TULP4: variants seen among roughly 807,000 people sequenced by gnomAD.
TULP4 encodes tubby-related protein 4.
TULP4 carries 16 observed loss-of-function variants against 129.0 expected under a neutral mutation model. The ratio of observed to expected loss-of-function variants is 0.12; its 90% confidence interval spans 0.08 to 0.19. The LOEUF is 0.19. Among genes scored for constraint, TULP4 ranks in the 10% least tolerant of loss-of-function variants. TULP4 has a pLI of 1.00. For synonymous variants in TULP4, 998 were observed against 854.0 expected, an observed-to-expected ratio of 1.17 and a Z score of -2.94; for missense variants, 1,842 against 2,059.1, an observed-to-expected ratio of 0.89 and a Z score of 2.04.
intron 1 of TULP4, among the ~76,000 whole-genome samples, chr6:158,364,001 A>G (rs1780861393): frequency 6.6e-6 from 1 of 152,186 alleles, no homozygotes; most frequent in East Asian, 1.9e-4. Flanking sequence ...TAAATTAAAA[A>G]AACCCACAAT....
chr6:158,292,504 A>G (rs1242549504), intron 1 of TULP4, among the ~76,000 whole-genome samples: 1 of 152,132 alleles, frequency 6.6e-6, no homozygotes, highest in Admixed American at 6.6e-5. Context: ...GTTGTAATTT[A>G]CTCAAGATCT....
At position 158,331,716 on chromosome 6, in the gene TULP4, CACACACACACACATACGTATAT is replaced by C. The variant is rs1349244976; in HGVS notation, c.252+17450_252+17471del. On this transcript the variant is annotated intron_variant, in intron 1 of 13. Coordinates refer to ENST00000367097, the MANE Select transcript of TULP4 (RefSeq NM_020245.5). The stretch of plus-strand genomic sequence containing the variant: ...ACACACACACACACACACACACACA[CACACACACACACATACGTATAT>C]ATATACGTGTATATACACGTGTATA... 1.2e-3 allele frequency among the ~76,000 whole-genome samples: 61 copies of C among 50,160 alleles called. 5 individuals are homozygous for C. Among genetic ancestry groups the C allele is most frequent in the Non-Finnish European group, 1.7e-3 (44 of 26,650 alleles). 32.9% of individuals were successfully genotyped at this position (50,160 alleles called of 152,430 possible).
upstream of TULP4, among the ~76,000 whole-genome samples, chr6:158,278,100 T>C (rs193025076): frequency 3.3e-5 from 5 of 152,336 alleles, no homozygotes; most frequent in Non-Finnish European, 5.9e-5. Flanking sequence ...TTCATCATCA[T>C]AGGCACGGAA....
chr6:158,312,668 A>C lies in TULP4; in HGVS notation c.-1349A>C, dbSNP rs773797273. On this transcript the variant is annotated 5_prime_UTR_variant, in exon 1 of 14. Coordinates refer to ENST00000367097, the MANE Select transcript of TULP4 (RefSeq NM_020245.5). Reference sequence around the variant, plus strand: ...TAATTAACTGTATTTGAGAAATTTTAATTTATTATTCCCCCCCTTTTTTCC... The same window carrying C: ...TAATTAACTGTATTTGAGAAATTTTCATTTATTATTCCCCCCCTTTTTTCC... The C allele has an allele frequency of 1.3e-5, 2 of 151,944 alleles. No homozygotes were observed. Among genetic ancestry groups the C allele is most frequent in the Non-Finnish European group, 2.9e-5 (2 of 67,920 alleles). The allele number at this position is 151,944 out of a possible 1,614,324, so 9.4% of individuals were successfully genotyped here.
At chr6:158,404,196 G>T (rs1219107770) in intron 1 of TULP4, among the ~76,000 whole-genome samples, 2 of 152,182 alleles carry the variant, frequency 1.3e-5, no homozygotes, top group African/African-American at 4.8e-5. Context: ...CTGCAATACA[G>T]ATCAGCTTTC....
chr6:158,379,916 G>C (rs555671238), intron 1 of TULP4, among the ~76,000 whole-genome samples: 1 of 152,176 alleles, frequency 6.6e-6, no homozygotes, highest in Non-Finnish European at 1.5e-5. Flanking sequence ...ATTAAAAACC[G>C]GGGCATCAGA....
chr6:158,352,718 G>A (rs899892027), intron 1 of TULP4, among the ~76,000 whole-genome samples: 1 of 152,144 alleles, frequency 6.6e-6, no homozygotes, highest in African/African-American at 2.4e-5. Context: ...TTTAACTTTT[G>A]GGAGGATAGT....
At chr6:158,310,120 G>T (rs1391590347), upstream of TULP4, among the ~76,000 whole-genome samples, 1 of 152,020 alleles carries the variant, frequency 6.6e-6, no homozygotes, top group African/African-American at 2.4e-5. Flanking sequence ...TTACTATAAG[G>T]AATACCTGAG....
intron 1 of TULP4, among the ~76,000 whole-genome samples, chr6:158,345,948 T>C (rs1304939154): frequency 6.6e-6 from 1 of 152,168 alleles, no homozygotes; most frequent in Non-Finnish European, 1.5e-5. Context: ...GCAATCCTTT[T>C]CCCAGAGTAT....
At chr6:158,429,974 G>A (rs1778592451) in intron 3 of TULP4, 77 bp downstream of exon 3, 3 of 1,371,992 alleles carry the variant, frequency 2.2e-6, no homozygotes, top group Non-Finnish European at 2.9e-6. Flanking sequence ...GCAGGAGAGG[G>A]GAGCTGGTGC....
chr6:158,315,772 A>G (rs559665868), intron 1 of TULP4, among the ~76,000 whole-genome samples: 1 of 152,358 alleles, frequency 6.6e-6, no homozygotes, highest in African/African-American at 2.4e-5. Context: ...TCTCTCCTCC[A>G]TAAATGGCAC....
upstream of TULP4, among the ~76,000 whole-genome samples, chr6:158,281,838 C>T (rs1423171769): frequency 6.6e-6 from 1 of 152,164 alleles, no homozygotes; most frequent in Admixed American, 6.5e-5. Flanking sequence ...GTCCCTTCCA[C>T]CATCTGATGA....
intron 1 of TULP4, among the ~76,000 whole-genome samples, chr6:158,384,912 T>C (rs1777406107): frequency 1.3e-5 from 2 of 152,168 alleles, no homozygotes; most frequent in South Asian, 4.1e-4. Context: ...GACTGCAAAA[T>C]CAAATGATCT....
rs1008171469 is a variant in TULP4, at chr6:158,508,204, A to T, written c.*1510A>T. The stretch of plus-strand genomic sequence containing the variant: ...TTTGTTTTTCTCAGTCTTACCTGTG[A>T]TGTTGTTTAGGATCAGGCCCCTCTC... On this transcript the variant is annotated 3_prime_UTR_variant, in exon 14 of 14. Coordinates refer to ENST00000367097, the MANE Select transcript of TULP4 (RefSeq NM_020245.5). The T allele has an allele frequency of 6.6e-6, 1 of 151,810 alleles. No individual in the cohort carries two copies. The highest frequency in any genetic ancestry group is 1.5e-5 in the Non-Finnish European group (1 of 67,990). The allele number at this position is 151,810 out of a possible 1,614,324, so 9.4% of individuals were successfully genotyped here.
chr6:158,502,907 G>A lies in TULP4; in HGVS notation c.3244G>A (p.Asp1082Asn), dbSNP rs374529625. Residue 1082 changes from aspartate to asparagine, a missense_variant, in exon 13 of 14, where the codon GAC becomes AAC. Asp to Asn is a conservative substitution (Grantham distance 23). Coordinates refer to ENST00000367097, the MANE Select transcript of TULP4 (RefSeq NM_020245.5). ...SPPDSARDRT[D>N]YVNSAFTEDE... is the part of the protein sequence containing the mutation. ...ACCCGACAGCGCCCGCGACCGCACC[G>A]ACTACGTCAACTCGGCCTTCACGGA... The A allele has an allele frequency of 3.8e-5, 61 of 1,613,818 alleles. No individual in the cohort carries two copies. Among genetic ancestry groups the A allele is most frequent in the African/African-American group, 9.3e-5 (7 of 74,882 alleles).
chr6:158,441,623 A>G (rs1200599952), intron 3 of TULP4, among the ~76,000 whole-genome samples: 1 of 152,174 alleles, frequency 6.6e-6, no homozygotes, highest in Admixed American at 6.5e-5. Flanking sequence ...GGTGAGATGT[A>G]TTGTTTCACA....
intron 7 of TULP4, 40 bp from the exon 8 acceptor site, chr6:158,481,015 C>G: frequency 3.3e-6 from 5 of 1,519,286 alleles, no homozygotes; most frequent in Non-Finnish European, 4.4e-6. Flanking sequence ...CTCTGCCTCT[C>G]TGGAGTCCCA....
intron 1 of TULP4, among the ~76,000 whole-genome samples, chr6:158,262,904 G>C (rs1778376099): frequency 1.4e-5 from 1 of 73,046 alleles, no homozygotes; most frequent in African/African-American, 3.3e-5. Flanking sequence ...TTCAGATGTA[G>C]CTCTAACTAG....
At chr6:158,396,207 T>C (rs182975995) in intron 1 of TULP4, among the ~76,000 whole-genome samples, 2 of 152,340 alleles carry the variant, frequency 1.3e-5, no homozygotes, top group East Asian at 1.9e-4. Context: ...ATTATTATTG[T>C]TGTTCTTTGT....
Sources: allele counts gnomAD v4.1 joint callset (sites outside exome capture counted in the v4.1 genomes callset), GRCh38; gene constraint gnomAD v4.1.1; transcripts MANE v1.5; gene names NCBI Gene and HGNC (gene_info 2026-07-23, HGNC 2026-07-21).